Variants in JAML observed in about 807,000 individuals in gnomAD.
JAML encodes junction adhesion molecule like.
In JAML, 25 loss-of-function variants were observed where a neutral mutation model predicts 39.3. That is an observed-to-expected ratio of 0.64 (90% confidence interval 0.46 to 0.89). The LOEUF is 0.89. JAML is among the 40% of genes least tolerant of loss of function. The pLI is 0.00. For missense variants in JAML, 440 were observed against 486.9 expected (o/e 0.90, Z 0.91); for synonymous variants, 162 against 179.2 (o/e 0.90, Z 0.77).
intron 1 of JAML, among the ~76,000 whole-genome samples, chr11:118,220,427 C>T (rs927434803): frequency 6.6e-6 from 1 of 152,190 alleles, no homozygotes; most frequent in African/African-American, 2.4e-5. Context: ...GAGGTTGGCT[C>T]ATCATTTTCC....
intron 2 of JAML, chr11:118,212,889 C>T: frequency 1.2e-6 from 2 of 1,614,246 alleles, no homozygotes; most frequent in Non-Finnish European, 1.7e-6. Flanking sequence ...TTCTGATCAT[C>T]AATTTAGAAA....
rs750789837 is a variant in JAML at position 118,194,221 on chromosome 11, G to T, written c.*104C>A. 1 of 991,090 alleles carries T rather than the reference G, an allele frequency of 1.0e-6. No homozygotes were observed. The highest frequency in any genetic ancestry group is 1.6e-6 in the Non-Finnish European group (1 of 627,094). 61.4% of individuals were successfully genotyped at this position (991,090 alleles called of 1,614,324 possible). ...TATTGACCAAACAATGAGACAGGAG[G>T]ACAGCTGGGAGAGCGGGAGTCTGAA... On this transcript the variant is annotated 3_prime_UTR_variant, in exon 10 of 10. Coordinates refer to ENST00000356289, the MANE Select transcript of JAML (RefSeq NM_001098526.2).
At position 118,222,753 on chromosome 11, in the gene JAML, G is replaced by A. The variant is rs954388067; in HGVS notation, c.-21+2188C>T. Among the ~76,000 whole-genome samples the A allele has an allele frequency of 1.3e-5, 2 of 152,152 alleles. No homozygotes were observed. The highest frequency in any genetic ancestry group is 1.9e-4 in the East Asian group (1 of 5,190). On this transcript the variant is annotated intron_variant, in intron 1 of 9. Transcript: ENST00000356289. The surrounding 1 kb of genome is among the most constrained non-coding windows in gnomAD (Gnocchi z 4.2). ...GAATATGGTTTCTGTTAAAGAGAAC[G>A]TAATTTTGTCTAGCTCAGAGGGTTT...
At chr11:118,206,617 C>T (rs1324308278) in intron 4 of JAML, among the ~76,000 whole-genome samples, 1 of 152,122 alleles carries the variant, frequency 6.6e-6, no homozygotes, top group Non-Finnish European at 1.5e-5. Context: ...GGACTCCTTG[C>T]TAATTAGGCC....
At chr11:118,205,803 T>C in intron 5 of JAML, 79 bp downstream of exon 5, 1 of 1,345,352 alleles carries the variant, frequency 7.4e-7, no homozygotes, top group Non-Finnish European at 1.1e-6. Context: ...CAACACCTCC[T>C]CATGTGCCTG....
chr11:118,205,916 T>C lies in JAML; in HGVS notation c.500A>G (p.Lys167Arg). 6.2e-7 allele frequency: 1 copy of C among 1,614,126 alleles called. No individual in the cohort carries two copies. The highest frequency in any genetic ancestry group is 2.2e-5 in the East Asian group (1 of 44,880). ...CCGTCCTGAAAATATCCATTCTACCTTGGTCACGTGTTTCACTTCTGTGCT... is the reference window on the plus strand; with the variant it reads ...CCGTCCTGAAAATATCCATTCTACCCTGGTCACGTGTTTCACTTCTGTGCT... The part of the protein sequence containing the change: ...FQSTEVKHVT[K>R]VEWIFSGRRA... The change falls in exon 5 of 10, where the codon AAG becomes AGG. Residue 167 changes from lysine to arginine, a missense_variant. Physicochemically the swap from Lys to Arg is conservative, Grantham distance 26 (BLOSUM62 2). Transcript: ENST00000356289.
Position 118,194,361 on chromosome 11 carries a change from T to G in JAML, c.1149A>C (p.Ser383=), listed in dbSNP as rs1279118159. ...GCTGTGTTTTTGGCATTCCCCCACC[T>G]GACTTTTTTTCAAGTGAGTTGTTCC... ...SDRNNSLEKK[S]GGGMPKTQQA... is the part of the protein sequence containing the mutation. Residue 383 remains serine, a synonymous_variant, in exon 10 of 10, where the codon TCA becomes TCC. Coordinates refer to ENST00000356289, the MANE Select transcript of JAML (RefSeq NM_001098526.2). The G allele has an allele frequency of 4.3e-6, 7 of 1,614,040 alleles. No homozygotes were observed. Among genetic ancestry groups the G allele is most frequent in the African/African-American group, 2.7e-5 (2 of 74,924 alleles).
At chr11:118,217,192 G>A (rs1355724699) in intron 1 of JAML, among the ~76,000 whole-genome samples, 4 of 152,292 alleles carry the variant, frequency 2.6e-5, no homozygotes, top group South Asian at 2.1e-4. Context: ...GGGCAGCACC[G>A]GCAAAATGCC....
intron 1 of JAML, among the ~76,000 whole-genome samples, chr11:118,219,717 G>A (rs1540191): frequency 0.42 from 63,417 of 152,036 alleles, 15,126 homozygotes; most frequent in South Asian, 0.72. Context: ...GTCACTACCC[G>A]CAACATTTTG....
In JAML at chr11:118,210,596, A is replaced by T. The variant is rs150488404; in HGVS notation, c.315T>A (p.Asp105Glu). Residue 105 changes from aspartate to glutamate, a missense_variant, in exon 4 of 10, where the codon GAT becomes GAA. By Grantham distance (45) the Asp-to-Glu change is conservative. Coordinates refer to ENST00000356289, the MANE Select transcript of JAML (RefSeq NM_001098526.2). ...LCNDGSLLLQDVQEADQGTYI... is the reference protein window; with the variant it reads ...LCNDGSLLLQEVQEADQGTYI... ...AGGTTCCCTGGTCAGCCTCTTGCAC[A>T]TCTTGGAGCAGGAGAGAGCCATCAT... The T allele has an allele frequency of 3.0e-5, 49 of 1,614,102 alleles. No homozygotes were observed. Among genetic ancestry groups the T allele is most frequent in the Admixed American group, 1.0e-4 (6 of 60,014 alleles).
chr11:118,213,697 C>A (rs1279265947), intron 2 of JAML, among the ~76,000 whole-genome samples: 1 of 152,116 alleles, frequency 6.6e-6, no homozygotes, highest in Non-Finnish European at 1.5e-5. Context: ...GTTTGAAGGG[C>A]AATCTTGGTA....
In JAML at chr11:118,210,622, TG is replaced by T; in HGVS notation, c.288del (p.Cys96Ter). 6.2e-7 allele frequency: 1 copy of T among 1,614,204 alleles called. No individual in the cohort carries two copies. Among genetic ancestry groups the T allele is most frequent in the Non-Finnish European group, 8.5e-7 (1 of 1,180,028 alleles). The stretch of plus-strand genomic sequence containing the variant: ...TCTTGGAGCAGGAGAGAGCCATCAT[TG>T]CATAAGATGTCCCCCATCAAGTGTA... ...NRVHLMGDIL[C>X]NDGSLLLQDV... On this transcript the variant is annotated frameshift_variant, in exon 4 of 10. Transcript: ENST00000356289. LOFTEE classifies it high-confidence loss of function.
At chr11:118,206,080 A>C in intron 4 of JAML, 89 bp from the exon 5 acceptor site, 1 of 1,174,914 alleles carries the variant, frequency 8.5e-7, no homozygotes, top group South Asian at 1.2e-5. Flanking sequence ...TTAGCCAAAG[A>C]CCCTCAGCAG....
At chr11:118,195,758 TG>T (rs535601867) in intron 9 of JAML, among the ~76,000 whole-genome samples, 114 of 152,296 alleles carry the variant, frequency 7.5e-4, no homozygotes, top group Non-Finnish European at 1.4e-3. Context: ...TTTGACCTTT[TG>T]ATAGCAAGGA....
chr11:118,203,820 T>TAC, intron 5 of JAML, 155 bp from the exon 6 acceptor site: 2 of 652,280 alleles, frequency 3.1e-6, no homozygotes, highest in Admixed American at 4.7e-5. Flanking sequence ...CAAAGTCATG[T>TAC]ACACACACAT....
In JAML at chr11:118,203,484, CCTAGGTGGATA is replaced by C; in HGVS notation, c.705_715del (p.Ser235ArgfsTer35). On this transcript the variant is annotated frameshift_variant, in exon 6 of 10. Transcript: ENST00000356289. LOFTEE classifies it high-confidence loss of function. ...AATGGTTTTCTTGAACACCAGGTTC[CCTAGGTGGATA>C]CTGCAGGTGTAGTTTCCTCCATCTG... is the stretch of plus-strand genomic sequence containing the variant. The C allele has an allele frequency of 6.2e-7, 1 of 1,614,172 alleles. No individual in the cohort carries two copies. The highest frequency in any genetic ancestry group is 8.5e-7 in the Non-Finnish European group (1 of 1,180,028).
At chr11:118,201,257 A>C (rs1332949380) in intron 6 of JAML, 2 of 152,302 alleles carry the variant, frequency 1.3e-5, no homozygotes, top group African/African-American at 2.4e-5. Flanking sequence ...GGCACAGAAA[A>C]AAGGGTGTCC....
Position 118,214,903 on chromosome 11 carries a change from A to G in JAML, c.-20-17T>C. ...CTTTCAAATCTTAAGATAAAAGAAC[A>G]AAAATCACAAAATCATGTCAAGAGA... On this transcript the variant is annotated splice_polypyrimidine_tract_variant and intron_variant, in intron 1 of 9. Coordinates refer to ENST00000356289, the MANE Select transcript of JAML (RefSeq NM_001098526.2). 1.2e-6 allele frequency: 2 copies of G among 1,606,214 alleles called. No individual in the cohort carries two copies. Among genetic ancestry groups the G allele is most frequent in the Non-Finnish European group, 8.5e-7 (1 of 1,173,230 alleles).
rs761251712 is a variant in JAML at position 118,203,421 on chromosome 11, T to G, written c.772+7A>C. 1.2e-6 allele frequency: 2 copies of G among 1,612,816 alleles called. No individual in the cohort carries two copies. The highest frequency in any genetic ancestry group is 1.7e-6 in the Non-Finnish European group (2 of 1,178,924). On this transcript the variant is annotated splice_region_variant and intron_variant, in intron 6 of 9. Coordinates refer to ENST00000356289, the MANE Select transcript of JAML (RefSeq NM_001098526.2). ...CCCTCAATGCTCCCCAGCCAAATGTTAGATACTTCGAGGCTCTTCCGGGCT... is the reference window on the plus strand; with the variant it reads ...CCCTCAATGCTCCCCAGCCAAATGTGAGATACTTCGAGGCTCTTCCGGGCT...
Sources: gnomAD v4.1 joint callset for allele counts (sites outside exome capture counted in the v4.1 genomes callset) on GRCh38, gnomAD v4.1.1 for gene constraint, Gnocchi (gnomAD v3.1) non-coding constraint, MANE v1.5 for transcripts, NCBI Gene and HGNC (gene_info 2026-07-23, HGNC 2026-07-21) for gene names.